ABHD12: variants seen among roughly 807,000 people sequenced by gnomAD.
The protein encoded by ABHD12 is lysophosphatidylserine lipase ABHD12.
A neutral mutation model predicts 58.3 loss-of-function variants in ABHD12; 43 were observed. The observed-to-expected ratio is 0.74, with a 90% CI of 0.58 to 0.95. The LOEUF is 0.95. ABHD12 is among the 40% of genes least tolerant of loss of function. ABHD12 has a pLI of 0.00. For synonymous variants in ABHD12, 219 were observed against 211.2 expected (o/e 1.04, Z -0.32); for missense variants, 539 against 537.2 (o/e 1.00, Z -0.03).
At chr20:25,351,617 T>C (rs538882651) in intron 1 of ABHD12, among the ~76,000 whole-genome samples, 1 of 152,362 alleles carries the variant, frequency 6.6e-6, no homozygotes, top group East Asian at 1.9e-4. Flanking sequence ...AGGACTTTTA[T>C]TATCATTTAA....
At chr20:25,366,081 A>G (rs1397260469) in intron 1 of ABHD12, among the ~76,000 whole-genome samples, 1 of 152,204 alleles carries the variant, frequency 6.6e-6, no homozygotes, top group Non-Finnish European at 1.5e-5. Flanking sequence ...TTGAAGGGTT[A>G]TATTTCCTTT....
At chr20:25,304,961 G>T (rs2088708156) in intron 10 of ABHD12, among the ~76,000 whole-genome samples, 1 of 150,514 alleles carries the variant, frequency 6.6e-6, no homozygotes, top group Non-Finnish European at 1.5e-5. Flanking sequence ...GCATGATCTT[G>T]GCTCACTGCA....
intron 12 of ABHD12, among the ~76,000 whole-genome samples, chr20:25,301,894 C>T (rs1306565420): frequency 6.6e-6 from 1 of 152,220 alleles, no homozygotes; most frequent in East Asian, 1.9e-4. Context: ...GGAAGAGATC[C>T]GAGGCCTGCA....
At chr20:25,303,299 C>A in intron 11 of ABHD12, 2 of 1,327,928 alleles carry the variant, frequency 1.5e-6, no homozygotes, top group Non-Finnish European at 9.7e-7. Context: ...GCTTATTTTT[C>A]ATATTCTTGG....
chr20:25,320,760 G>C (rs1320161541), intron 3 of ABHD12, among the ~76,000 whole-genome samples: 5 of 152,178 alleles, frequency 3.3e-5, no homozygotes, highest in African/African-American at 1.2e-4. Context: ...TGTCACATTT[G>C]CTAATTCAGC....
chr20:25,328,803 G>A (rs2089218556), intron 2 of ABHD12, among the ~76,000 whole-genome samples: 1 of 152,248 alleles, frequency 6.6e-6, no homozygotes, highest in African/African-American at 2.4e-5. Flanking sequence ...TCCATGAAAA[G>A]CATCCCCCAG....
chr20:25,340,674 G>C (rs1378052181), intron 1 of ABHD12, among the ~76,000 whole-genome samples: 1 of 152,166 alleles, frequency 6.6e-6, no homozygotes, highest in Non-Finnish European at 1.5e-5. Flanking sequence ...ACCACATATT[G>C]AACTGCTGAT....
chr20:25,379,270 T>C (rs575307191), intron 1 of ABHD12, among the ~76,000 whole-genome samples: 1 of 152,268 alleles, frequency 6.6e-6, no homozygotes, highest in South Asian at 2.1e-4. Flanking sequence ...GTCATCCTTT[T>C]TAAAAACATT....
At chr20:25,385,832 C>G (rs2090082360) in intron 1 of ABHD12, among the ~76,000 whole-genome samples, 1 of 152,088 alleles carries the variant, frequency 6.6e-6, no homozygotes. Context: ...GGTGCGGTGG[C>G]TGACACCTGT....
At chr20:25,385,219 C>T (rs2090072550) in intron 1 of ABHD12, among the ~76,000 whole-genome samples, 1 of 151,100 alleles carries the variant, frequency 6.6e-6, no homozygotes, top group Admixed American at 6.6e-5. Context: ...TACCTGTAAT[C>T]CCAGCTACTC....
downstream of ABHD12, chr20:25,295,816 T>G (rs1381835113): frequency 1.1e-6 from 1 of 901,096 alleles, no homozygotes; most frequent in Non-Finnish European, 1.8e-6. Flanking sequence ...CAGTCGGCTG[T>G]GCCTGCCTTT....
At chr20:25,313,444 GCGGAAGGCC>G (rs1156327448) in intron 6 of ABHD12, among the ~76,000 whole-genome samples, 1 of 151,546 alleles carries the variant, frequency 6.6e-6, no homozygotes, top group Non-Finnish European at 1.5e-5. Flanking sequence ...CACAAACACT[GCGGAAGGCC>G]GCAGGGTCCT....
chr20:25,355,866 T>TA (rs2089661176), intron 1 of ABHD12, among the ~76,000 whole-genome samples: 2 of 250 alleles, frequency 8.0e-3, no homozygotes, highest in African/African-American at 0.036. Context: ...CCATAAAGGG[T>TA]ATTTTTAAGA....
intron 1 of ABHD12, among the ~76,000 whole-genome samples, chr20:25,385,967 G>A (rs1321543994): frequency 6.6e-6 from 1 of 151,678 alleles, no homozygotes. Context: ...CAGGTGTGTT[G>A]GTGGGCACCT....
intron 1 of ABHD12, among the ~76,000 whole-genome samples, chr20:25,357,540 T>C (rs567236288): frequency 6.6e-6 from 1 of 152,326 alleles, no homozygotes; most frequent in East Asian, 1.9e-4. Flanking sequence ...ATTGGTTCTG[T>C]AGGATAAGAT....
chr20:25,294,764 G>A (rs1329702694), exon 13 of ABHD12: 13 of 663,170 alleles, frequency 2.0e-5, no homozygotes, highest in Non-Finnish European at 3.0e-5. Flanking sequence ...TGTAGTTAGT[G>A]TTTTATTTCA....
Position 25,309,478 on chromosome 20 carries a change from G to A in ABHD12, c.717C>T (p.Pro239=), listed in dbSNP as rs1344090328. 7.4e-6 allele frequency: 12 copies of A among 1,614,174 alleles called. No homozygotes were observed. The highest frequency in any genetic ancestry group is 1.7e-5 in the Admixed American group (1 of 60,026). The change falls in exon 7 of 13, where the codon CCC becomes CCT. Residue 239 remains proline, a synonymous_variant. Coordinates refer to ENST00000339157, the MANE Select transcript of ABHD12 (RefSeq NM_001042472.3). ...CCAGAGAGTGGCCCCAGATGTACAC[G>A]GGGTTGTCACCACTTCTTGCTTTGA... ...DWIKARSGDN[P]VYIWGHSLGT...
intron 2 of ABHD12, among the ~76,000 whole-genome samples, chr20:25,333,743 G>A (rs1281297126): frequency 6.6e-6 from 1 of 151,838 alleles, no homozygotes; most frequent in Non-Finnish European, 1.5e-5. Flanking sequence ...AAAGGCCTCT[G>A]ACAAAATTCA....
At chr20:25,330,727 A>G (rs899360622) in intron 2 of ABHD12, among the ~76,000 whole-genome samples, 1 of 152,174 alleles carries the variant, frequency 6.6e-6, no homozygotes, top group African/African-American at 2.4e-5. Flanking sequence ...ACGGCTGGGT[A>G]CTCCAACAGA....
Sources: gnomAD v4.1 joint callset for allele counts (sites outside exome capture counted in the v4.1 genomes callset) on GRCh38, gnomAD v4.1.1 for gene constraint, MANE v1.5 for transcripts, NCBI Gene and HGNC (gene_info 2026-07-23, HGNC 2026-07-21) for gene names.